Variants in ADD1 observed in about 807,000 individuals in gnomAD.
The protein encoded by ADD1 is adducin 1, also known as alpha-adducin.
In ADD1, 24 loss-of-function variants were observed where a neutral mutation model predicts 80.5. That is an observed-to-expected ratio of 0.30 (90% CI 0.22 to 0.42). The LOEUF is 0.42. ADD1 is among the 10% of genes least tolerant of loss of function. ADD1 has a pLI of 1.00. For missense variants in ADD1, 948 were observed against 1,019.0 expected, an observed-to-expected ratio of 0.93 and a Z score of 0.95; for synonymous variants, 373 against 393.8, an observed-to-expected ratio of 0.95 and a Z score of 0.63.
intron 1 of ADD1, among the ~76,000 whole-genome samples, chr4:2,858,109 C>T (rs1191357905): frequency 2.0e-5 from 3 of 152,166 alleles, no homozygotes; most frequent in African/African-American, 7.2e-5. Flanking sequence ...TGATAACAGC[C>T]TCTAGGAGGG....
At chr4:2,893,340 T>C (rs182916518) in intron 4 of ADD1, among the ~76,000 whole-genome samples, 81 of 151,464 alleles carry the variant, frequency 5.3e-4, no homozygotes, top group African/African-American at 1.8e-3. Flanking sequence ...CCAGGCACAG[T>C]GGCTCATGCC....
chr4:2,909,871 G>C (rs535727784), intron 13 of ADD1, among the ~76,000 whole-genome samples: 6 of 150,300 alleles, frequency 4.0e-5, no homozygotes, highest in Non-Finnish European at 7.4e-5. Context: ...CATGAATGTA[G>C]CCACTAGAGG....
chr4:2,926,033 A>G lies in ADD1; in HGVS notation c.1968A>G (p.Arg656=). The G allele has an allele frequency of 6.2e-7, 1 of 1,614,144 alleles. No homozygotes were observed. The highest frequency in any genetic ancestry group is 8.5e-7 in the Non-Finnish European group (1 of 1,180,012). The change falls in exon 15 of 16, where the codon AGA becomes AGG. Residue 656 remains arginine (R), a synonymous_variant. Transcript: ENST00000683351. This position sits in a 1 kb window ranked among gnomAD's most constrained non-coding sequence, Gnocchi z 5.0. ...CTGCAGAGAATCTGGACGAGGCTAG[A>G]GAACAGAAAGAAAAGAGTCCTCCAG... ...KGSEENLDEA[R]EQKEKSPPDQ...
intron 3 of ADD1, among the ~76,000 whole-genome samples, chr4:2,883,676 T>C (rs933861921): frequency 6.6e-5 from 10 of 151,902 alleles, no homozygotes; most frequent in Non-Finnish European, 1.3e-4. Context: ...TTTTTCTCTT[T>C]TCTTTTTTTT....
intron 1 of ADD1, among the ~76,000 whole-genome samples, chr4:2,852,344 T>G (rs1040198256): frequency 6.9e-6 from 1 of 144,912 alleles, no homozygotes; most frequent in African/African-American, 2.6e-5. Context: ...TTTTTTTTTT[T>G]GAAAGAGAGT....
At chr4:2,863,040 AG>A (rs1330574550) in intron 1 of ADD1, among the ~76,000 whole-genome samples, 7 of 151,860 alleles carry the variant, frequency 4.6e-5, no homozygotes, top group Non-Finnish European at 8.8e-5. Context: ...CCTCTACCTC[AG>A]TACTGTCATG....
rs1311334396 is a variant in ADD1, at chr4:2,929,967, T to C, written c.*1444T>C. The C allele has an allele frequency of 2.0e-5, 3 of 152,640 alleles. No individual in the cohort carries two copies. The highest frequency in any genetic ancestry group is 4.4e-5 in the Non-Finnish European group (3 of 68,050). The allele number at this position is 152,640 out of a possible 1,614,324, so 9.5% of individuals were successfully genotyped here. A position where few individuals can be genotyped will look rare whatever the true frequency, so the allele number is the denominator to read the frequency against. ...ATCCTTTGTATTACAACATGAAATA[T>C]AGTTGCATATATGGACACCGACTTG... On this transcript the variant is annotated 3_prime_UTR_variant, in exon 16 of 16. Coordinates refer to ENST00000683351, the MANE Select transcript of ADD1 (RefSeq NM_001354761.2).
At chr4:2,864,862 C>G (rs532263508) in intron 1 of ADD1, among the ~76,000 whole-genome samples, 1 of 152,250 alleles carries the variant, frequency 6.6e-6, no homozygotes, top group Non-Finnish European at 1.5e-5. Context: ...TGTTGCCTGG[C>G]TGGATTTGAA....
chr4:2,907,528 A>G, intron 10 of ADD1: 1 of 473,638 alleles, frequency 2.1e-6, no homozygotes, highest in Non-Finnish European at 3.9e-6. Flanking sequence ...TCCATCAGTC[A>G]TGACTTTGAC....
At chr4:2,858,176 A>C (rs966179122) in intron 1 of ADD1, among the ~76,000 whole-genome samples, 4 of 152,182 alleles carry the variant, frequency 2.6e-5, no homozygotes, top group African/African-American at 9.6e-5. Flanking sequence ...AAAGACAGTT[A>C]ATTAGTGTCC....
rs368201923 is a variant in ADD1, at chr4:2,850,574, T to C, written c.-21+6550T>C. Among the ~76,000 whole-genome samples, 961 of 152,282 alleles carry C rather than the reference T, an allele frequency of 6.3e-3. 3 individuals are homozygous for C. The highest frequency in any genetic ancestry group is 0.021 in the Middle Eastern group (6 of 292). On this transcript the variant is annotated intron_variant, in intron 1 of 15. Coordinates refer to ENST00000683351, the MANE Select transcript of ADD1 (RefSeq NM_001354761.2). Reference sequence around the variant, plus strand: ...CTGAGTAGCTGGGACTACAGGCGCCTGCCACCATGCCCGGCTAATTTTTTG... The same window carrying C: ...CTGAGTAGCTGGGACTACAGGCGCCCGCCACCATGCCCGGCTAATTTTTTG...
intron 14 of ADD1, among the ~76,000 whole-genome samples, chr4:2,920,340 C>G (rs918876060): frequency 2.0e-5 from 3 of 152,150 alleles, no homozygotes; most frequent in African/African-American, 7.2e-5. Context: ...CTGTAGATGT[C>G]TGTTAGGTCC....
chr4:2,850,518 C>T (rs1046361876), intron 1 of ADD1, among the ~76,000 whole-genome samples: 5 of 152,156 alleles, frequency 3.3e-5, no homozygotes, highest in Non-Finnish European at 7.4e-5. Context: ...CTCTGCCTCC[C>T]GGGTTCACGC....
intron 3 of ADD1, among the ~76,000 whole-genome samples, chr4:2,883,638 A>T (rs536310192): frequency 6.6e-6 from 1 of 150,842 alleles, no homozygotes; most frequent in Middle Eastern, 3.5e-3. Flanking sequence ...GGCTTAAGGG[A>T]TCCTCCATGC....
At position 2,903,565 on chromosome 4, in the gene ADD1, A is replaced by G. The variant is rs533136123; in HGVS notation, c.1162-1199A>G. Among the ~76,000 whole-genome samples, 9 of 152,338 alleles carry G rather than the reference A, an allele frequency of 5.9e-5. No homozygotes were observed. In the South Asian group the frequency reaches 1.9e-3, roughly 32 times the overall value. On this transcript the variant is annotated intron_variant, in intron 9 of 15. Coordinates refer to ENST00000683351, the MANE Select transcript of ADD1 (RefSeq NM_001354761.2). ...GAATTCCTTTTCTTAGGGCTGAAGC[A>G]TTCTTGGCAGCTTTACTTCTTCAGA...
At chr4:2,874,381 C>T (rs908251607) in intron 1 of ADD1, among the ~76,000 whole-genome samples, 7 of 151,800 alleles carry the variant, frequency 4.6e-5, no homozygotes, top group Non-Finnish European at 7.4e-5. Context: ...CCTAGGCGGG[C>T]GGATCACCTG....
rs374830082 is a variant in ADD1, at chr4:2,928,469, G to C, written c.2346G>C (p.Lys782Asn). 1 of 1,613,830 alleles carries C rather than the reference G, an allele frequency of 6.2e-7. No homozygotes were observed. Among genetic ancestry groups the C allele is most frequent in the Non-Finnish European group, 8.5e-7 (1 of 1,180,014 alleles). The change falls in exon 16 of 16, where the codon AAG (lysine) becomes AAC (asparagine). Residue 782 changes from lysine to asparagine, a missense_variant. By Grantham distance (94) the Lys-to-Asn change is moderately conservative. Coordinates refer to ENST00000683351, the MANE Select transcript of ADD1 (RefSeq NM_001354761.2). Reference protein sequence around the residue: ...SPGKSPSKKKKKFRTPSFLKK... With the variant: ...SPGKSPSKKKNKFRTPSFLKK... Reference sequence around the variant, plus strand: ...GCAAGTCCCCGTCCAAAAAGAAGAAGAAGTTCCGTACCCCGTCCTTTCTGA... The same window carrying C: ...GCAAGTCCCCGTCCAAAAAGAAGAACAAGTTCCGTACCCCGTCCTTTCTGA...
At chr4:2,879,942 T>TGACCTCAAGTGATCCGCCTCCC (rs907156517) in intron 2 of ADD1, among the ~76,000 whole-genome samples, 1 of 152,230 alleles carries the variant, frequency 6.6e-6, no homozygotes, top group Non-Finnish European at 1.5e-5. Context: ...CTCGAACTCC[T>TGACCTCAAGTGATCCGCCTCCC]GACCTCAAGT....
chr4:2,878,075 C>T (rs950473841), intron 2 of ADD1, among the ~76,000 whole-genome samples: 3 of 152,088 alleles, frequency 2.0e-5, no homozygotes, highest in Non-Finnish European at 2.9e-5. Context: ...CAGTGTGGTT[C>T]GGCCTGGGAG....
Sources: allele counts gnomAD v4.1 joint callset (sites outside exome capture counted in the v4.1 genomes callset), GRCh38; gene constraint gnomAD v4.1.1; non-coding constraint Gnocchi (gnomAD v3.1); transcripts MANE v1.5; gene names NCBI Gene and HGNC (gene_info 2026-07-23, HGNC 2026-07-21).